VAT1L: variants seen among roughly 807,000 people sequenced by gnomAD.
VAT1L encodes the protein vesicle amine transport 1 like.
VAT1L carries 34 observed loss-of-function variants against 44.1 expected under a neutral mutation model. That is an observed-to-expected ratio of 0.77 (90% CI 0.59 to 1.03). The LOEUF is 1.03. Ranked by LOEUF, VAT1L falls within the 50% of genes least tolerant of loss-of-function variation. The pLI is 0.00. For missense variants in VAT1L, 615 were observed against 538.8 expected (o/e 1.14, Z -1.40); for synonymous variants, 253 against 202.2 (o/e 1.25, Z -2.13).
chr16:77,872,116 G>C (rs1169288690), intron 4 of VAT1L, among the ~76,000 whole-genome samples: 1 of 152,144 alleles, frequency 6.6e-6, no homozygotes, highest in Non-Finnish European at 1.5e-5. Context: ...CTGAGGCACA[G>C]AGAGGCTAAG....
chr16:77,955,358 G>A (rs1781054453), intron 7 of VAT1L, among the ~76,000 whole-genome samples: 1 of 152,160 alleles, frequency 6.6e-6, no homozygotes, highest in Non-Finnish European at 1.5e-5. Flanking sequence ...ATCCTGCAGT[G>A]CCCAGGACAG....
At chr16:77,815,826 G>C (rs1000186952) in intron 1 of VAT1L, among the ~76,000 whole-genome samples, 1 of 151,688 alleles carries the variant, frequency 6.6e-6, no homozygotes, top group African/African-American at 2.4e-5. Context: ...AAATTAGCCA[G>C]GCGAGTTGGT....
intron 2 of VAT1L, among the ~76,000 whole-genome samples, chr16:77,821,616 C>T (rs753168106): frequency 1.3e-5 from 2 of 152,092 alleles, no homozygotes; most frequent in African/African-American, 4.8e-5. Flanking sequence ...TTACCACTTA[C>T]AACTGTGTGG....
In VAT1L at chr16:77,816,924, A is replaced by T. The variant is rs1287257315; in HGVS notation, c.237A>T (p.Gly79=). Residue 79 remains glycine, a synonymous_variant, in exon 2 of 9, where the codon GGA becomes GGT. Coordinates refer to ENST00000302536, the MANE Select transcript of VAT1L (RefSeq NM_020927.3). ...GELKIRVKAC[G]LNFIDLMVRQ... Reference sequence around the variant, plus strand: ...CTTTCACATTTGCTCTTTACAGTGGATTAAACTTCATTGACTTGATGGTGC... The same window carrying T: ...CTTTCACATTTGCTCTTTACAGTGGTTTAAACTTCATTGACTTGATGGTGC... 1 of 1,613,152 alleles carries T rather than the reference A, an allele frequency of 6.2e-7. No homozygotes were observed.
At chr16:77,907,520 T>C (rs2017451093) in intron 7 of VAT1L, among the ~76,000 whole-genome samples, 1 of 152,186 alleles carries the variant, frequency 6.6e-6, no homozygotes, top group African/African-American at 2.4e-5. Context: ...TGTATAATCC[T>C]TTTGGTCTCT....
At chr16:77,859,291 G>A (rs2142440240) in intron 3 of VAT1L, among the ~76,000 whole-genome samples, 1 of 152,250 alleles carries the variant, frequency 6.6e-6, no homozygotes. Context: ...GTGAGACCCT[G>A]TCTCTAATAA....
chr16:77,916,375 G>T lies in VAT1L; in HGVS notation c.1077+31573G>T, dbSNP rs1016453178. Among the ~76,000 whole-genome samples the T allele has an allele frequency of 4.6e-5, 7 of 152,342 alleles. No homozygotes were observed. The South Asian group carries it at 1.5e-3, about 32-fold the overall frequency. On this transcript the variant is annotated intron_variant, in intron 7 of 8. Coordinates refer to ENST00000302536, the MANE Select transcript of VAT1L (RefSeq NM_020927.3). ...AGATCAGAATTCAGGCCCTACCTGA[G>T]CCACGAAGTAGCTGTATCGTTGTGA... is the stretch of plus-strand genomic sequence containing the variant.
intron 3 of VAT1L, among the ~76,000 whole-genome samples, chr16:77,841,744 GAGC>G (rs1397838878): frequency 6.6e-6 from 1 of 152,170 alleles, no homozygotes; most frequent in Non-Finnish European, 1.5e-5. Context: ...TGATCGTCCT[GAGC>G]TCTACATGGG....
At chr16:77,969,005 G>A (rs1251596062) in intron 7 of VAT1L, among the ~76,000 whole-genome samples, 1 of 152,020 alleles carries the variant, frequency 6.6e-6, no homozygotes, top group African/African-American at 2.4e-5. Flanking sequence ...TTTTAGTAGA[G>A]ATGGGGTTTC....
At chr16:77,859,152 TATTTGGGTGTGGTGGC>T (rs1457244473) in intron 3 of VAT1L, among the ~76,000 whole-genome samples, 1 of 147,136 alleles carries the variant, frequency 6.8e-6, no homozygotes, top group Non-Finnish European at 1.5e-5. Flanking sequence ...AAAAAAAAAC[TATTTGGGTGTGGTGGC>T]ATGTACCTGT....
chr16:77,905,971 C>A (rs1354065003), intron 7 of VAT1L, among the ~76,000 whole-genome samples: 1 of 152,034 alleles, frequency 6.6e-6, no homozygotes, highest in Non-Finnish European at 1.5e-5. Flanking sequence ...TTACTCAAAC[C>A]TTCTTTGATG....
intron 3 of VAT1L, among the ~76,000 whole-genome samples, chr16:77,857,631 T>G (rs1484997225): frequency 6.6e-6 from 1 of 150,710 alleles, no homozygotes; most frequent in Non-Finnish European, 1.5e-5. Context: ...GTGTTATTAG[T>G]AATTCTATTT....
chr16:77,838,749 C>A (rs563009896), intron 3 of VAT1L, among the ~76,000 whole-genome samples: 1 of 151,692 alleles, frequency 6.6e-6, no homozygotes, highest in East Asian at 1.9e-4. Flanking sequence ...CCCTTCCTCT[C>A]TTTTCCGTTT....
intron 1 of VAT1L, among the ~76,000 whole-genome samples, chr16:77,789,707 G>C (rs770682332): frequency 6.6e-6 from 1 of 152,074 alleles, no homozygotes; most frequent in Admixed American, 6.5e-5. Context: ...AAAAAACCCT[G>C]ATCAGTCTCC....
intron 7 of VAT1L, among the ~76,000 whole-genome samples, chr16:77,966,243 A>G (rs958420337): frequency 3.9e-5 from 6 of 152,134 alleles, no homozygotes; most frequent in Non-Finnish European, 5.9e-5. Flanking sequence ...TTGATTTGCA[A>G]TGGAGAGGAG....
chr16:77,836,462 C>G (rs2016640028), intron 3 of VAT1L, among the ~76,000 whole-genome samples: 1 of 152,232 alleles, frequency 6.6e-6, no homozygotes, highest in African/African-American at 2.4e-5. Flanking sequence ...TGCATCTGCA[C>G]ATCAGCAGGA....
intron 7 of VAT1L, among the ~76,000 whole-genome samples, chr16:77,923,988 T>C (rs555351878): frequency 6.6e-6 from 1 of 151,828 alleles, no homozygotes; most frequent in South Asian, 2.1e-4. Context: ...AGGAAATCTA[T>C]TTATGCAGCT....
At chr16:77,925,635 C>A (rs563866913) in intron 7 of VAT1L, among the ~76,000 whole-genome samples, 1 of 152,166 alleles carries the variant, frequency 6.6e-6, no homozygotes, top group African/African-American at 2.4e-5. Context: ...TAGCCCAGAA[C>A]TGTTTTTACA....
chr16:77,793,655 A>C (rs574435601), intron 1 of VAT1L, among the ~76,000 whole-genome samples: 2 of 152,298 alleles, frequency 1.3e-5, no homozygotes, highest in African/African-American at 4.8e-5. Flanking sequence ...CTAATGGATT[A>C]GGGACATTTA....
Sources: allele counts gnomAD v4.1 joint callset (sites outside exome capture counted in the v4.1 genomes callset), GRCh38; gene constraint gnomAD v4.1.1; transcripts MANE v1.5; gene names NCBI Gene and HGNC (gene_info 2026-07-23, HGNC 2026-07-21).